SPG11: variants seen among roughly 807,000 people sequenced by gnomAD.
SPG11 encodes SPG11 vesicle trafficking associated, spatacsin.
In SPG11, 222 loss-of-function variants were observed where a neutral mutation model predicts 274.0. The ratio of observed to expected loss-of-function variants is 0.81; its 90% CI spans 0.73 to 0.91. The LOEUF (loss-of-function observed/expected upper bound fraction) is 0.91, where lower values mean the gene tolerates loss of function less well. SPG11 is among the 40% of genes least tolerant of loss of function. The pLI is 0.00. For synonymous variants in SPG11, 1,144 were observed against 1,039.7 expected, an observed-to-expected ratio of 1.10 and a Z score of -1.93; for missense variants, 3,114 against 2,872.7, an observed-to-expected ratio of 1.08 and a Z score of -1.92.
chr15:44,616,686 T>C (rs906964902), intron 15 of SPG11, among the ~76,000 whole-genome samples: 7 of 152,208 alleles, frequency 4.6e-5, no homozygotes, highest in African/African-American at 1.7e-4. Flanking sequence ...TTTTTCATTA[T>C]TATATAGTAT....
Position 44,563,179 on chromosome 15 carries a change from T to C in SPG11, c.7274A>G (p.Asn2425Ser), listed in dbSNP as rs745617765. The change falls in exon 40 of 40, where the codon AAT (asparagine) becomes AGT (serine). Residue 2425 changes from asparagine to serine, a missense_variant. Asn to Ser is a conservative substitution (Grantham distance 46). Transcript: ENST00000261866. ...TGTCTGAGGGTCCTTCAGAAGCACA[T>C]TTACAATTTCATAAAACTTGTGTTC... is the stretch of plus-strand genomic sequence containing the variant. ...AYEHKFYEIV[N>S]VLLKDPQTGC... is the part of the protein sequence containing the mutation. The C allele has an allele frequency of 3.1e-6, 5 of 1,614,182 alleles. No individual in the cohort carries two copies. In the South Asian group the frequency reaches 5.5e-5, roughly 18 times the overall value.
chr15:44,611,511 TAG>T (rs2141006840), intron 17 of SPG11, among the ~76,000 whole-genome samples: 1 of 152,214 alleles, frequency 6.6e-6, no homozygotes, highest in South Asian at 2.1e-4. Context: ...TCACAGTGAG[TAG>T]AGACTAGGAC....
rs549630945 is a variant in SPG11, at chr15:44,618,057, G to A, written c.2834+2133C>T. Among the ~76,000 whole-genome samples, 6 of 152,088 alleles carry A rather than the reference G, an allele frequency of 3.9e-5. No individual in the cohort carries two copies. The South Asian group carries it at 1.2e-3, about 32-fold the overall frequency. On this transcript the variant is annotated intron_variant, in intron 15 of 39. Coordinates refer to ENST00000261866, the MANE Select transcript of SPG11 (RefSeq NM_025137.4). Reference sequence around the variant, plus strand: ...AAAAACAAAAAACAAAAAAATAACCGCTGGGATTTTTACTGAGATTACACT... The same window carrying A: ...AAAAACAAAAAACAAAAAAATAACCACTGGGATTTTTACTGAGATTACACT...
intron 27 of SPG11, chr15:44,590,765 A>C (rs1280003893): frequency 6.6e-6 from 1 of 152,178 alleles, no homozygotes; most frequent in African/African-American, 2.4e-5. Flanking sequence ...CAAAACACGT[A>C]TATGTTAATA....
At chr15:44,639,724 A>G (rs1046621586) in intron 7 of SPG11, among the ~76,000 whole-genome samples, 2 of 152,074 alleles carry the variant, frequency 1.3e-5, no homozygotes, top group African/African-American at 4.8e-5. Context: ...GCTAAGAAGT[A>G]CATACAAGGA....
At chr15:44,593,159 C>T (rs1242130912) in intron 26 of SPG11, among the ~76,000 whole-genome samples, 1 of 152,146 alleles carries the variant, frequency 6.6e-6, no homozygotes, top group Non-Finnish European at 1.5e-5. Context: ...AGGCAGGAAG[C>T]ATTCCACTAG....
chr15:44,641,564 A>C (rs1048808387), intron 7 of SPG11, among the ~76,000 whole-genome samples: 1 of 149,862 alleles, frequency 6.7e-6, no homozygotes, highest in Non-Finnish European at 1.5e-5. Flanking sequence ...TTACTTATGA[A>C]AGAAAAAAAA....
At chr15:44,621,961 T>C in intron 13 of SPG11, 27 bp from the exon 14 acceptor site, 2 of 1,561,312 alleles carry the variant, frequency 1.3e-6, no homozygotes, top group Non-Finnish European at 8.7e-7. Context: ...AAATTTTTTT[T>C]TTTTTAATTT....
At chr15:44,575,918 G>C (rs1267283715) in intron 30 of SPG11, among the ~76,000 whole-genome samples, 1 of 151,824 alleles carries the variant, frequency 6.6e-6, no homozygotes, top group Non-Finnish European at 1.5e-5. Context: ...TGAGGCGGGC[G>C]GATCACTTGA....
In SPG11 at chr15:44,610,591, T is replaced by A. The variant is rs926635059; in HGVS notation, c.3291+249A>T. On this transcript the variant is annotated intron_variant, in intron 18 of 39. Transcript: ENST00000261866. ...TGGTGTTTCACCACGTTGGCCAGGC[T>A]GGTCTCGAACTCCTGACCTCAAGTG... is the stretch of plus-strand genomic sequence containing the variant. 3.3e-5 allele frequency among the ~76,000 whole-genome samples: 5 copies of A among 152,010 alleles called. No individual in the cohort carries two copies. The East Asian group carries it at 9.7e-4, about 29-fold the overall frequency.
At position 44,584,312 on chromosome 15, in the gene SPG11, G is replaced by A; in HGVS notation, c.5368C>T (p.Pro1790Ser). 1 of 1,611,814 alleles carries A rather than the reference G, an allele frequency of 6.2e-7. No individual in the cohort carries two copies. The highest frequency in any genetic ancestry group is 8.5e-7 in the Non-Finnish European group (1 of 1,178,500). ...TCCAGCTCCTCCAGCTTATCCAAGG[G>A]CACCACGTCCTCCTGGGCAAGCCAG... ...GHWLAQEDVV[P>S]LDKLEELEKQ... Residue 1790 changes from proline (P) to serine (S), a missense_variant, in exon 30 of 40, where the codon CCC (proline) becomes TCC (serine). Pro to Ser is a moderately conservative substitution (Grantham distance 74). Transcript: ENST00000261866.
At chr15:44,570,784 G>A (rs1364270649) in intron 33 of SPG11, 126 bp from the exon 34 acceptor site, 1 of 1,226,422 alleles carries the variant, frequency 8.2e-7, no homozygotes, top group African/African-American at 1.5e-5. Context: ...CGTCCCATCA[G>A]CCCTCCGAAG....
At chr15:44,654,598 G>C (rs2084882739) in intron 4 of SPG11, among the ~76,000 whole-genome samples, 1 of 152,138 alleles carries the variant, frequency 6.6e-6, no homozygotes, top group South Asian at 2.1e-4. Flanking sequence ...CAGCATTTTT[G>C]GGAGGCCAAG....
At chr15:44,566,152 A>G in intron 37 of SPG11, 65 bp downstream of exon 37, 1 of 1,604,206 alleles carries the variant, frequency 6.2e-7, no homozygotes. Context: ...CCCAAGGACA[A>G]AAGAAAATAA....
At chr15:44,567,718 T>G in intron 35 of SPG11, 126 bp from the exon 36 acceptor site, 1 of 955,206 alleles carries the variant, frequency 1.0e-6, no homozygotes. Context: ...AAAATGAGAA[T>G]AAATACAAGT....
chr15:44,615,255 A>G, intron 16 of SPG11, 108 bp downstream of exon 16: 2 of 1,064,316 alleles, frequency 1.9e-6, no homozygotes, highest in Non-Finnish European at 2.9e-6. Flanking sequence ...AAAGATCAGT[A>G]TTCCTCGTGT....
intron 8 of SPG11, among the ~76,000 whole-genome samples, chr15:44,629,792 C>T (rs1288937418): frequency 6.6e-6 from 1 of 152,118 alleles, no homozygotes; most frequent in Non-Finnish European, 1.5e-5. Flanking sequence ...GTGGCAGGGC[C>T]GGGCGCAGTG....
intron 28 of SPG11, 101 bp from the exon 29 acceptor site, chr15:44,585,951 T>C (rs567847406): frequency 9.6e-6 from 9 of 941,790 alleles, no homozygotes; most frequent in Admixed American, 2.0e-5. Context: ...GTGTTTAACA[T>C]AGTAATGTGG....
chr15:44,600,136 AG>A (rs1278433456), intron 21 of SPG11: 6 of 206,648 alleles, frequency 2.9e-5, no homozygotes, highest in African/African-American at 1.4e-4. Flanking sequence ...CCAAAAACTT[AG>A]GACACACAGG....
Sources: allele counts gnomAD v4.1 joint callset (sites outside exome capture counted in the v4.1 genomes callset), GRCh38; gene constraint gnomAD v4.1.1; transcripts MANE v1.5; gene names NCBI Gene and HGNC (gene_info 2026-07-23, HGNC 2026-07-21).